LYPLA1: variants seen among roughly 807,000 people sequenced by gnomAD.
The protein encoded by LYPLA1 is lysophospholipase 1, also known as acyl-protein thioesterase 1.
In LYPLA1, 17 loss-of-function variants were observed where a neutral mutation model predicts 34.0. The observed-to-expected ratio is 0.50, with a 90% CI of 0.34 to 0.75. LYPLA1 has a LOEUF of 0.75. Ranked by LOEUF, LYPLA1 falls within the 30% of genes least tolerant of loss-of-function variation. The pLI is 0.01. For missense variants in LYPLA1, 203 were observed against 288.8 expected (o/e 0.70, Z 2.15); for synonymous variants, 98 against 100.8 (o/e 0.97, Z 0.17).
chr8:54,053,071 C>T (rs1258468521), intron 6 of LYPLA1: 3 of 263,636 alleles, frequency 1.1e-5, no homozygotes, highest in Non-Finnish European at 2.2e-5. Context: ...GCATAAAATC[C>T]AATCTGCTCT....
chr8:54,060,053 A>G (rs1239142988), intron 5 of LYPLA1, among the ~76,000 whole-genome samples: 3 of 152,230 alleles, frequency 2.0e-5, no homozygotes, highest in African/African-American at 7.2e-5. Flanking sequence ...CAGTCCTCAC[A>G]TTATTATACT....
At position 54,063,545 on chromosome 8, in the gene LYPLA1, G is replaced by A. The variant is rs1200887350; in HGVS notation, c.168-170C>T. ...ACACCTGTACAACTCTGCTTTCCAC[G>A]CCCCTCCAAATGTGTTCTGAAGACA... On this transcript the variant is annotated intron_variant, in intron 3 of 8. Transcript: ENST00000316963. Among the ~76,000 whole-genome samples the A allele has an allele frequency of 3.4e-4, 51 of 152,032 alleles. 1 individual carries two copies. The highest frequency in any genetic ancestry group is 3.3e-3 in the Admixed American group (50 of 15,258).
Position 54,047,953 on chromosome 8 carries a change from A to G in LYPLA1, c.*112T>C. 1.5e-6 allele frequency: 1 copy of G among 687,484 alleles called. No homozygotes were observed. The highest frequency in any genetic ancestry group is 2.5e-6 in the Non-Finnish European group (1 of 397,782). The allele number at this position is 687,484 out of a possible 1,614,324, so 42.6% of individuals were successfully genotyped here. A position where few individuals can be genotyped will look rare whatever the true frequency, so the allele number is the denominator to read the frequency against. ...ATCTGTGTTATTGGCATGTATTTGC[A>G]AAACATTTTAACACTGCAAAACATT... is the stretch of plus-strand genomic sequence containing the variant. On this transcript the variant is annotated 3_prime_UTR_variant, in exon 9 of 9. Transcript: ENST00000316963.
At chr8:54,097,710 G>A (rs1449850703) in intron 2 of LYPLA1, among the ~76,000 whole-genome samples, 2 of 152,142 alleles carry the variant, frequency 1.3e-5, no homozygotes, top group Non-Finnish European at 2.9e-5. Flanking sequence ...TAAACAGTGG[G>A]GGATGCTCTA....
Position 54,101,691 on chromosome 8 carries a change from G to A in LYPLA1, c.69+64C>T, listed in dbSNP as rs1030739190. ...CACGCGCCCGCAACGCCCACCCCGC[G>A]CGAGGGGCAACCACCGGTGGCCGGC... On this transcript the variant is annotated intron_variant, in intron 1 of 8. Transcript: ENST00000316963. The A allele has an allele frequency of 1.1e-5, 14 of 1,222,046 alleles. No individual in the cohort carries two copies. In the African/African-American group the frequency reaches 1.9e-4, roughly 17 times the overall value. 75.7% of individuals were successfully genotyped at this position (1,222,046 alleles called of 1,614,324 possible).
chr8:54,081,235 CT>C (rs1287748412), intron 2 of LYPLA1, among the ~76,000 whole-genome samples: 13 of 152,054 alleles, frequency 8.5e-5, no homozygotes, highest in African/African-American at 2.7e-4. Context: ...GGCTCTGCCC[CT>C]ATTTGTGCTC....
At chr8:54,101,690 C>A (rs1810173647) in intron 1 of LYPLA1, 65 bp downstream of exon 1, 2 of 1,221,814 alleles carry the variant, frequency 1.6e-6, no homozygotes, top group South Asian at 3.2e-5. Context: ...GCCCACCCCG[C>A]GCGAGGGGCA....
At chr8:54,066,967 G>A (rs904296006) in intron 2 of LYPLA1, among the ~76,000 whole-genome samples, 4 of 151,834 alleles carry the variant, frequency 2.6e-5, no homozygotes, top group African/African-American at 7.3e-5. Context: ...TCCAGAGTTC[G>A]AGACCAGCCT....
intron 2 of LYPLA1, among the ~76,000 whole-genome samples, chr8:54,098,093 C>T (rs1809826614): frequency 6.6e-6 from 1 of 152,002 alleles, no homozygotes; most frequent in Non-Finnish European, 1.5e-5. Context: ...TGTGGTGGTG[C>T]ACGCCTGTAG....
intron 8 of LYPLA1, among the ~76,000 whole-genome samples, chr8:54,048,617 A>C (rs1288349872): frequency 6.6e-6 from 1 of 152,188 alleles, no homozygotes; most frequent in Non-Finnish European, 1.5e-5. Flanking sequence ...ACATTAATAT[A>C]CCAAAGATTT....
At chr8:54,096,640 G>A (rs1809706444) in intron 2 of LYPLA1, among the ~76,000 whole-genome samples, 1 of 152,088 alleles carries the variant, frequency 6.6e-6, no homozygotes, top group Non-Finnish European at 1.5e-5. Flanking sequence ...CTACTCATGA[G>A]GCTGAGGCAG....
At chr8:54,049,582 T>C (rs1379438536) in intron 8 of LYPLA1, among the ~76,000 whole-genome samples, 1 of 152,178 alleles carries the variant, frequency 6.6e-6, no homozygotes, top group African/African-American at 2.4e-5. Context: ...TCTATCTTGA[T>C]TGAAAATGGT....
At chr8:54,078,242 G>A (rs982334169) in intron 2 of LYPLA1, among the ~76,000 whole-genome samples, 11 of 152,130 alleles carry the variant, frequency 7.2e-5, no homozygotes, top group Admixed American at 7.2e-4. Context: ...GTGAGCCACC[G>A]CACCCAGCCT....
At chr8:54,052,867 T>C in intron 6 of LYPLA1, 111 bp from the exon 7 acceptor site, 1 of 675,078 alleles carries the variant, frequency 1.5e-6, no homozygotes, top group Non-Finnish European at 2.7e-6. Flanking sequence ...TGGTGGCTGG[T>C]GTCAAATCAA....
Position 54,048,063 on chromosome 8 carries a change from C to T in LYPLA1, c.*2G>A, listed in dbSNP as rs1421400786. On this transcript the variant is annotated 3_prime_UTR_variant, in exon 9 of 9. Coordinates refer to ENST00000316963, the MANE Select transcript of LYPLA1 (RefSeq NM_006330.4). ...ACTTCTACACAAGGCCTCTTAGTGA[C>T]GTCAATCAATTGGAGGTAGGAGTTT... 5.6e-6 allele frequency: 9 copies of T among 1,601,814 alleles called. No individual in the cohort carries two copies. Among genetic ancestry groups the T allele is most frequent in the South Asian group, 2.2e-5 (2 of 90,792 alleles).
At chr8:54,099,912 G>A (rs1487863496) in intron 2 of LYPLA1, among the ~76,000 whole-genome samples, 1 of 151,968 alleles carries the variant, frequency 6.6e-6, no homozygotes, top group Non-Finnish European at 1.5e-5. Flanking sequence ...TCGAACTCTT[G>A]ACATCAAGTG....
At chr8:54,072,930 GA>G (rs971111654) in intron 2 of LYPLA1, among the ~76,000 whole-genome samples, 65 of 90,624 alleles carry the variant, frequency 7.2e-4, no homozygotes, top group African/African-American at 3.6e-3. Flanking sequence ...GAGCAAGACT[GA>G]ATCAAAAAAA....
At chr8:54,084,168 T>C (rs1444613763) in intron 2 of LYPLA1, among the ~76,000 whole-genome samples, 3 of 121,012 alleles carry the variant, frequency 2.5e-5, no homozygotes, top group Non-Finnish European at 4.9e-5. Flanking sequence ...ATATATAAAA[T>C]AAAGACCTCA....
At chr8:54,095,086 T>C (rs998105073) in intron 2 of LYPLA1, among the ~76,000 whole-genome samples, 5 of 152,022 alleles carry the variant, frequency 3.3e-5, no homozygotes, top group Admixed American at 6.6e-5. Flanking sequence ...TGGAGTACAG[T>C]GGCACCATCT....
Sources: allele counts gnomAD v4.1 joint callset (sites outside exome capture counted in the v4.1 genomes callset), GRCh38; gene constraint gnomAD v4.1.1; transcripts MANE v1.5; gene names NCBI Gene and HGNC (gene_info 2026-07-23, HGNC 2026-07-21).